GRM1: variants seen among roughly 807,000 people sequenced by gnomAD.
GRM1 encodes the protein metabotropic glutamate receptor 1.
GRM1 carries 33 observed loss-of-function variants against 90.9 expected under a neutral mutation model. The ratio of observed to expected loss-of-function variants is 0.36; its 90% CI spans 0.28 to 0.49. The LOEUF is 0.49. Among genes scored for constraint, GRM1 ranks in the 20% least tolerant of loss-of-function variants. The probability of loss-of-function intolerance (pLI) is 0.99; values close to 1 mark genes in which losing one functional copy is unlikely to be tolerated. For synonymous variants in GRM1, 700 were observed against 613.2 expected, an observed-to-expected ratio of 1.14 and a Z score of -2.09; for missense variants, 1,190 against 1,534.3, an observed-to-expected ratio of 0.78 and a Z score of 3.75.
chr6:146,126,178 A>G (rs1463748780), intron 1 of GRM1, among the ~76,000 whole-genome samples: 1 of 152,108 alleles, frequency 6.6e-6, no homozygotes, highest in Non-Finnish European at 1.5e-5. Flanking sequence ...TGAAGACTGA[A>G]CTAAACACAA....
chr6:146,038,813 CA>C (rs1209338903), intron 1 of GRM1, among the ~76,000 whole-genome samples: 3 of 150,694 alleles, frequency 2.0e-5, no homozygotes, highest in Admixed American at 6.6e-5. Flanking sequence ...AAAGGTAGAA[CA>C]AAAAAATCAA....
intron 1 of GRM1, among the ~76,000 whole-genome samples, chr6:146,048,879 G>A (rs73576922): frequency 0.021 from 3,249 of 151,936 alleles, 109 homozygotes; most frequent in African/African-American, 0.074. Flanking sequence ...CAATTCTATC[G>A]ACACCTTAAT....
At chr6:146,211,691 A>G (rs1779692199) in intron 2 of GRM1, among the ~76,000 whole-genome samples, 1 of 152,262 alleles carries the variant, frequency 6.6e-6, no homozygotes, top group African/African-American at 2.4e-5. Flanking sequence ...TTAAATTTCT[A>G]TGAGCTAATT....
chr6:146,177,658 C>T (rs1415915754), intron 2 of GRM1, among the ~76,000 whole-genome samples: 2 of 152,176 alleles, frequency 1.3e-5, no homozygotes, highest in East Asian at 3.9e-4. Context: ...TCTCTGCCTT[C>T]ACTGAATTTT....
chr6:146,186,823 A>C (rs571531493), intron 2 of GRM1, among the ~76,000 whole-genome samples: 1 of 152,190 alleles, frequency 6.6e-6, no homozygotes, highest in Non-Finnish European at 1.5e-5. Context: ...TGTTCGCACT[A>C]TGTGTCCATT....
chr6:146,074,368 G>A (rs537413770), intron 1 of GRM1, among the ~76,000 whole-genome samples: 32 of 152,228 alleles, frequency 2.1e-4, no homozygotes, highest in African/African-American at 6.7e-4. Flanking sequence ...GGATGATGAT[G>A]TGTGACTTCC....
chr6:146,106,230 G>A (rs962335881), intron 1 of GRM1, among the ~76,000 whole-genome samples: 5 of 152,118 alleles, frequency 3.3e-5, no homozygotes, highest in Admixed American at 6.5e-5. Flanking sequence ...CTCTTTAAAT[G>A]CAACTCATAA....
rs1172361636 is a variant in GRM1, at chr6:146,319,003, T to C, written c.1186+14157T>C. The stretch of plus-strand genomic sequence containing the variant: ...TGTGTGCAGAAGCTCTTTAATTAGA[T>C]ACCATTTGTCAATTTTGGCTTTTGT... On this transcript the variant is annotated intron_variant, in intron 3 of 7. Coordinates refer to ENST00000282753, the MANE Select transcript of GRM1 (RefSeq NM_001278064.2). Among the ~76,000 whole-genome samples the C allele has an allele frequency of 2.6e-5, 4 of 152,354 alleles. No individual in the cohort carries two copies. In the East Asian group the frequency reaches 7.7e-4, roughly 29 times the overall value.
intron 2 of GRM1, among the ~76,000 whole-genome samples, chr6:146,281,156 T>C (rs1782552451): frequency 6.6e-6 from 1 of 152,212 alleles, no homozygotes; most frequent in South Asian, 2.1e-4. Flanking sequence ...TTCTACCTTC[T>C]TCTTGATGGT....
At chr6:146,415,292 G>A (rs1299813579) in intron 7 of GRM1, among the ~76,000 whole-genome samples, 1 of 152,088 alleles carries the variant, frequency 6.6e-6, no homozygotes, top group East Asian at 1.9e-4. Context: ...CTACCCTCAT[G>A]ACCTAATTGC....
intron 2 of GRM1, among the ~76,000 whole-genome samples, chr6:146,292,724 A>G (rs768442709): frequency 6.6e-6 from 1 of 151,970 alleles, no homozygotes; most frequent in Non-Finnish European, 1.5e-5. Flanking sequence ...CAAAAAAGCT[A>G]AACATAGAAT....
At chr6:146,431,554 G>C (rs760238416) in intron 7 of GRM1, among the ~76,000 whole-genome samples, 23 of 152,180 alleles carry the variant, frequency 1.5e-4, no homozygotes, top group Non-Finnish European at 2.6e-4. Context: ...GGTTGAATTA[G>C]AGGCAGATTA....
chr6:146,434,859 GCAAACAGC>G lies in GRM1; in HGVS notation c.*64_*71del. ...AGATCTCCCACACCTCCAGAGATGT[GCAAACAGC>G]TGGGAGGAAAAGCCTGGGAGTGGGG... On this transcript the variant is annotated 3_prime_UTR_variant, in exon 8 of 8. Transcript: ENST00000282753. The G allele has an allele frequency of 7.1e-7, 1 of 1,406,646 alleles. No individual in the cohort carries two copies. The highest frequency in any genetic ancestry group is 9.9e-7 in the Non-Finnish European group (1 of 1,006,166). 87.1% of individuals were successfully genotyped at this position (1,406,646 alleles called of 1,614,324 possible). A position where few individuals can be genotyped will look rare whatever the true frequency, so the allele number is the denominator to read the frequency against.
intron 5 of GRM1, among the ~76,000 whole-genome samples, chr6:146,377,187 G>T (rs938208875): frequency 6.6e-6 from 1 of 152,054 alleles, no homozygotes; most frequent in Non-Finnish European, 1.5e-5. Flanking sequence ...TACTGGGAGT[G>T]GGGGACTGCT....
At chr6:146,098,552 A>G (rs941032526) in intron 1 of GRM1, among the ~76,000 whole-genome samples, 2 of 152,142 alleles carry the variant, frequency 1.3e-5, no homozygotes, top group Admixed American at 1.3e-4. Flanking sequence ...AACGTGTTGT[A>G]TAGATTATGG....
At chr6:146,203,178 A>ATC (rs1562526912) in intron 2 of GRM1, among the ~76,000 whole-genome samples, 1 of 151,068 alleles carries the variant, frequency 6.6e-6, no homozygotes, top group Admixed American at 6.6e-5. Context: ...TGGGGGACAG[A>ATC]GAGACTCCGT....
intron 1 of GRM1, among the ~76,000 whole-genome samples, chr6:146,123,920 T>A (rs1776100159): frequency 6.6e-6 from 1 of 152,206 alleles, no homozygotes; most frequent in Admixed American, 6.5e-5. Flanking sequence ...TTGATACATA[T>A]GCTCAGATAT....
At chr6:146,156,328 C>G (rs1777526617) in intron 1 of GRM1, among the ~76,000 whole-genome samples, 1 of 152,200 alleles carries the variant, frequency 6.6e-6, no homozygotes, top group African/African-American at 2.4e-5. Context: ...ATTACTTGAA[C>G]CCAAGAGGCG....
intron 1 of GRM1, among the ~76,000 whole-genome samples, chr6:146,125,485 A>C: frequency 1.5e-5 from 2 of 136,218 alleles, no homozygotes; most frequent in Non-Finnish European, 3.1e-5. Flanking sequence ...ACTTTCTCTC[A>C]CCTTTTCCAC....
Sources: gnomAD v4.1 joint callset for allele counts (sites outside exome capture counted in the v4.1 genomes callset) on GRCh38, gnomAD v4.1.1 for gene constraint, MANE v1.5 for transcripts, NCBI Gene and HGNC (gene_info 2026-07-23, HGNC 2026-07-21) for gene names.